Variants in ABCA7 observed in about 807,000 individuals in gnomAD.
The protein encoded by ABCA7 is phospholipid-transporting ATPase ABCA7.
In ABCA7, 261 loss-of-function variants were observed where a neutral mutation model predicts 227.6. The ratio of observed to expected loss-of-function variants is 1.15; its 90% confidence interval spans 1.04 to 1.27. The LOEUF is 1.27. Ranked by LOEUF, ABCA7 falls within the 50% of genes most tolerant of loss-of-function variation. ABCA7 has a pLI of 0.00. For synonymous variants in ABCA7, 1,488 were observed against 1,279.7 expected, an observed-to-expected ratio of 1.16 and a Z score of -3.47; for missense variants, 3,331 against 2,924.5, an observed-to-expected ratio of 1.14 and a Z score of -3.21.
In ABCA7 at chr19:1,065,567, G is replaced by C; in HGVS notation, c.*142G>C. The stretch of plus-strand genomic sequence containing the variant: ...AGAAGGCTGGAGAGAAGCCGTGGTG[G>C]TGAAACCGTGTGCATGTGTGTCCTT... On this transcript the variant is annotated 3_prime_UTR_variant, in exon 47 of 47. Transcript: ENST00000263094. The C allele has an allele frequency of 1.0e-6, 1 of 965,810 alleles. No individual in the cohort carries two copies. The highest frequency in any genetic ancestry group is 1.5e-6 in the Non-Finnish European group (1 of 664,942). The allele number at this position is 965,810 out of a possible 1,614,324, so 59.8% of individuals were successfully genotyped here.
intron 17 of ABCA7, 37 bp from the exon 18 acceptor site, chr19:1,049,229 C>G (rs768775854): frequency 1.3e-6 from 2 of 1,561,974 alleles, no homozygotes; most frequent in Non-Finnish European, 1.7e-6. Flanking sequence ...CCAGGACCCC[C>G]ATGACCTCCA....
intron 6 of ABCA7, 113 bp from the exon 7 acceptor site, chr19:1,042,633 C>A: frequency 8.3e-7 from 1 of 1,206,184 alleles, no homozygotes. Flanking sequence ...CCTCAGTTTC[C>A]CTATTTGTAA....
chr19:1,051,716 G>T, intron 21 of ABCA7, 130 bp downstream of exon 21: 1 of 1,066,952 alleles, frequency 9.4e-7, no homozygotes. Flanking sequence ...GCATTTAGGG[G>T]CTACTGCTCA....
chr19:1,043,142 C>G lies in ABCA7; in HGVS notation c.681C>G (p.Val227=). 1 of 1,612,490 alleles carries G rather than the reference C, an allele frequency of 6.2e-7. No homozygotes were observed. The highest frequency in any genetic ancestry group is 8.5e-7 in the Non-Finnish European group (1 of 1,179,588). Reference sequence around the variant, plus strand: ...TGCTGTCAGAGGCCCTCTGCAGTGTCAGGGGACCTAGCAGCACAGTGGGCC... The same window carrying G: ...TGCTGTCAGAGGCCCTCTGCAGTGTGAGGGGACCTAGCAGCACAGTGGGCC... ...LELLSEALCS[V]RGPSSTVGPS... is the part of the protein sequence containing the mutation. Residue 227 remains valine (V), a synonymous_variant, in exon 8 of 47, where the codon GTC becomes GTG. Coordinates refer to ENST00000263094, the MANE Select transcript of ABCA7 (RefSeq NM_019112.4).
In ABCA7 at chr19:1,048,965, C is replaced by T; in HGVS notation, c.2340C>T (p.Pro780=). The change falls in exon 17 of 47, where the codon CCC becomes CCT. Residue 780 remains proline (P), a synonymous_variant. Transcript: ENST00000263094. ...GCTACTGGTGCGGACCTCGGCCCCCCAAGAGTCCAGCCCCTTGCCCCACCC... is the reference window on the plus strand; with the variant it reads ...GCTACTGGTGCGGACCTCGGCCCCCTAAGAGTCCAGCCCCTTGCCCCACCC... ...RRSYWCGPRP[P]KSPAPCPTPL... 6.2e-7 allele frequency: 1 copy of T among 1,608,914 alleles called. No individual in the cohort carries two copies. Among genetic ancestry groups the T allele is most frequent in the Non-Finnish European group, 8.5e-7 (1 of 1,178,148 alleles).
chr19:1,048,887 C>A lies in ABCA7; in HGVS notation c.2270-8C>A, dbSNP rs370157298. 1.7e-5 allele frequency: 27 copies of A among 1,578,148 alleles called. No individual in the cohort carries two copies. In the African/African-American group the frequency reaches 2.7e-4, roughly 16 times the overall value. On this transcript the variant is annotated splice_region_variant and splice_polypyrimidine_tract_variant and intron_variant, in intron 16 of 46. Coordinates refer to ENST00000263094, the MANE Select transcript of ABCA7 (RefSeq NM_019112.4). ...GGGCTAAGCAATAACCCGCGCCCCT[C>A]CCCGCAGGCCAGTACGGGATCCCTG...
At chr19:1,050,653 G>A (rs1012674726) in intron 18 of ABCA7, among the ~76,000 whole-genome samples, 2 of 145,708 alleles carry the variant, frequency 1.4e-5, no homozygotes, top group East Asian at 2.1e-4. Context: ...GGTGGCGGGC[G>A]CCTGTAGTCC....
rs772429389 is a variant in ABCA7, at chr19:1,065,477, G to C, written c.*52G>C. Reference sequence around the variant, plus strand: ...GAGGCCCTGGGAATGGCAAGGGCAAGGTAGAGTGCCTAGGAGCCCTGGACT... The same window carrying C: ...GAGGCCCTGGGAATGGCAAGGGCAACGTAGAGTGCCTAGGAGCCCTGGACT... On this transcript the variant is annotated 3_prime_UTR_variant, in exon 47 of 47. Coordinates refer to ENST00000263094, the MANE Select transcript of ABCA7 (RefSeq NM_019112.4). The C allele has an allele frequency of 6.3e-6, 10 of 1,598,768 alleles. No homozygotes were observed. The African/African-American group carries it at 1.3e-4, about 21-fold the overall frequency.
In ABCA7 at chr19:1,065,185, CG is replaced by C; in HGVS notation, c.6285+18del. The C allele has an allele frequency of 6.3e-7, 1 of 1,594,138 alleles. No individual in the cohort carries two copies. Among genetic ancestry groups the C allele is most frequent in the African/African-American group, 1.3e-5 (1 of 74,646 alleles). Reference sequence around the variant, plus strand: ...ATGCTGGAGGAGGTGATCACGGCGCCGGGGTCGGGCTGGGGGAGGCAGGCTG... The same window carrying C: ...ATGCTGGAGGAGGTGATCACGGCGCCGGGTCGGGCTGGGGGAGGCAGGCTG... On this transcript the variant is annotated intron_variant, in intron 46 of 46. Coordinates refer to ENST00000263094, the MANE Select transcript of ABCA7 (RefSeq NM_019112.4).
Position 1,053,461 on chromosome 19 carries a change from G to A in ABCA7, c.3353G>A (p.Arg1118Gln), listed in dbSNP as rs1339404731. Reference sequence around the variant, plus strand: ...GACGGCAGCTTCGCCACACTCTTCCGAGAGCTAGACACGCGGCTGGCGGAG... The same window carrying A: ...GACGGCAGCTTCGCCACACTCTTCCAAGAGCTAGACACGCGGCTGGCGGAG... The part of the protein sequence containing the change: ...AHDGSFATLF[R>Q]ELDTRLAELR... The change falls in exon 24 of 47, where the codon CGA becomes CAA. Residue 1118 changes from arginine (R) to glutamine (Q), a missense_variant. By Grantham distance (43) the Arg-to-Gln change is conservative. Coordinates refer to ENST00000263094, the MANE Select transcript of ABCA7 (RefSeq NM_019112.4). 1.2e-5 allele frequency: 19 copies of A among 1,599,196 alleles called. No individual in the cohort carries two copies. Among genetic ancestry groups the A allele is most frequent in the African/African-American group, 4.0e-5 (3 of 74,642 alleles).
intron 12 of ABCA7, 116 bp downstream of exon 12, chr19:1,045,347 A>G: frequency 9.3e-7 from 1 of 1,075,442 alleles, no homozygotes; most frequent in South Asian, 1.6e-5. Flanking sequence ...TCTGGGCTGT[A>G]TCAACAGTGG....
chr19:1,046,297 T>A lies in ABCA7; in HGVS notation c.1513T>A (p.Tyr505Asn). Residue 505 changes from tyrosine (Y) to asparagine (N), a missense_variant, in exon 13 of 47, where the codon TAC becomes AAC. Transcript: ENST00000263094. ...DLRYVWGGFV[Y>N]LQDLVERAAV... ...GCGCTACGTGTGGGGCGGCTTCGTG[T>A]ACCTGCAAGACCTGGTGGAGCGTGC... 6.2e-7 allele frequency: 1 copy of A among 1,605,908 alleles called. No individual in the cohort carries two copies.
chr19:1,042,548 CCAGA>C (rs1568225269), intron 6 of ABCA7, 151 bp downstream of exon 6: 9 of 1,116,042 alleles, frequency 8.1e-6, no homozygotes, highest in African/African-American at 1.5e-5. Context: ...GTCTGGGCCC[CCAGA>C]CAGAGTGTGT....
intron 42 of ABCA7, 46 bp downstream of exon 42, chr19:1,062,359 C>T (rs778147320): frequency 6.3e-7 from 1 of 1,586,318 alleles, no homozygotes; most frequent in Non-Finnish European, 8.5e-7. Context: ...AGGGCCCACC[C>T]GACCCAGGCC....
chr19:1,042,026 G>A (rs1456605663), intron 4 of ABCA7, 38 bp from the exon 5 acceptor site: 4 of 1,582,884 alleles, frequency 2.5e-6, no homozygotes, highest in East Asian at 2.3e-5. Context: ...CTGCAGTGCC[G>A]GCCGGAACCC....
intron 35 of ABCA7, 29 bp from the exon 36 acceptor site, chr19:1,057,886 T>G (rs761213122): frequency 1.9e-6 from 3 of 1,613,434 alleles, no homozygotes; most frequent in Non-Finnish European, 2.5e-6. Flanking sequence ...TCTGAGTGGT[T>G]ACTCCAGTGA....
rs772139261 is a variant in ABCA7 at position 1,046,884 on chromosome 19, G to A, written c.1705G>A (p.Val569Met). The A allele has an allele frequency of 2.8e-5, 44 of 1,548,662 alleles. No individual in the cohort carries two copies. The highest frequency in any genetic ancestry group is 3.6e-5 in the Non-Finnish European group (41 of 1,151,794). ...CTCCGTGACACTGACAGTGAAGGCC[G>A]TGGTGCGGGAGAAGGAGACGCGGCT... is the stretch of plus-strand genomic sequence containing the variant. ...IYSVTLTVKA[V>M]VREKETRLRD... The change falls in exon 14 of 47, where the codon GTG (valine) becomes ATG (methionine). Residue 569 changes from valine (V) to methionine (M), a missense_variant. By Grantham distance (21) the Val-to-Met change is conservative. Transcript: ENST00000263094.
chr19:1,050,811 A>G, intron 18 of ABCA7, 110 bp from the exon 19 acceptor site: 4 of 503,708 alleles, frequency 7.9e-6, no homozygotes, highest in Non-Finnish European at 1.1e-5. Context: ...AATAATAATA[A>G]TAATAATAAA....
rs760603867 is a variant in ABCA7 at position 1,044,734 on chromosome 19, G to A, written c.1205G>A (p.Arg402Gln). 7 of 1,606,738 alleles carry A rather than the reference G, an allele frequency of 4.4e-6. 1 individual carries two copies. Among genetic ancestry groups the A allele is most frequent in the Middle Eastern group, 3.6e-4 (2 of 5,552 alleles). ...DVGHLVGTLGRVTECLSLDKL... is the reference protein window; with the variant it reads ...DVGHLVGTLGQVTECLSLDKL... ...GGGCACCTGGTGGGCACGCTGGGCC[G>A]AGTGACGGAGGTGAGGGCCTGTCCA... The change falls in exon 11 of 47, where the codon CGA (arginine) becomes CAA (glutamine). Residue 402 changes from arginine to glutamine, a missense_variant. Coordinates refer to ENST00000263094, the MANE Select transcript of ABCA7 (RefSeq NM_019112.4).
Sources: gnomAD v4.1 joint callset for allele counts (sites outside exome capture counted in the v4.1 genomes callset) on GRCh38, gnomAD v4.1.1 for gene constraint, MANE v1.5 for transcripts, NCBI Gene and HGNC (gene_info 2026-07-23, HGNC 2026-07-21) for gene names.